The following INPP5A variants were observed in gnomAD, a reference collection of about 807,000 sequenced individuals.
INPP5A encodes inositol polyphosphate-5-phosphatase A.
In INPP5A, 14 loss-of-function variants were observed where a neutral mutation model predicts 65.2. That is an observed-to-expected ratio of 0.21 (90% CI 0.14 to 0.34). The LOEUF is 0.34. INPP5A is among the 10% of genes least tolerant of loss of function. INPP5A has a pLI of 1.00. For synonymous variants in INPP5A, 207 were observed against 208.3 expected (o/e 0.99, Z 0.05); for missense variants, 431 against 545.6 (o/e 0.79, Z 2.09).
intron 2 of INPP5A, among the ~76,000 whole-genome samples, chr10:132,623,179 A>G (rs184482182): frequency 1.3e-3 from 199 of 152,372 alleles, no homozygotes; most frequent in Middle Eastern, 3.4e-3. Flanking sequence ...AAGAACTAGA[A>G]TAGCCAGAAC....
intron 4 of INPP5A, among the ~76,000 whole-genome samples, chr10:132,654,454 C>T (rs1312026489): frequency 6.6e-6 from 1 of 152,216 alleles, no homozygotes; most frequent in East Asian, 1.9e-4. Context: ...GACCTCGGAA[C>T]GCTGCCCCCT....
Position 132,547,486 on chromosome 10 carries a change from C to T in INPP5A, c.75+9315C>T, listed in dbSNP as rs895852022. Among the ~76,000 whole-genome samples, 3 of 152,144 alleles carry T rather than the reference C, an allele frequency of 2.0e-5. No individual in the cohort carries two copies. The highest frequency in any genetic ancestry group is 2.9e-5 in the Non-Finnish European group (2 of 68,016). On this transcript the variant is annotated intron_variant, in intron 1 of 15. Transcript: ENST00000368594. The surrounding 1 kb of genome is among the most constrained non-coding windows in gnomAD (Gnocchi z 5.5). ...GTTCTGTGAGCCCGGGCCCAGCTGC[C>T]GTGGTGAATATAACCGGGAGGGAGT... is the stretch of plus-strand genomic sequence containing the variant.
chr10:132,677,096 A>AC (rs906320711), intron 4 of INPP5A, among the ~76,000 whole-genome samples: 3 of 149,760 alleles, frequency 2.0e-5, no homozygotes, highest in African/African-American at 7.4e-5. Flanking sequence ...TCACATGGTG[A>AC]CCCCCACCAT....
intron 9 of INPP5A, among the ~76,000 whole-genome samples, chr10:132,737,264 T>A (rs746316655): frequency 1.3e-5 from 2 of 152,130 alleles, no homozygotes; most frequent in Non-Finnish European, 2.9e-5. Flanking sequence ...GGACGGTCCC[T>A]TCTAACTCCC....
intron 3 of INPP5A, 63 bp downstream of exon 3, chr10:132,646,031 G>A (rs1019032058): frequency 3.8e-6 from 4 of 1,062,846 alleles, no homozygotes; most frequent in Non-Finnish European, 5.8e-6. Context: ...GCCGGCGGGG[G>A]TCTTTTCATG....
intron 6 of INPP5A, among the ~76,000 whole-genome samples, chr10:132,701,108 C>T (rs1301589262): frequency 1.3e-5 from 2 of 152,190 alleles, no homozygotes; most frequent in East Asian, 1.9e-4. Context: ...ATAACCTCCC[C>T]GCAGCCTCTC....
chr10:132,589,126 C>T (rs576344662), intron 1 of INPP5A, among the ~76,000 whole-genome samples: 15 of 152,256 alleles, frequency 9.9e-5, no homozygotes, highest in African/African-American at 2.2e-4. Flanking sequence ...CCAGGCCTCC[C>T]GGCTTTTGTG....
intron 2 of INPP5A, among the ~76,000 whole-genome samples, chr10:132,630,246 A>G (rs898464208): frequency 3.3e-5 from 5 of 151,224 alleles, no homozygotes; most frequent in Non-Finnish European, 5.9e-5. Flanking sequence ...GAAGACGTCC[A>G]TGAGGGGAAG....
chr10:132,569,232 T>G (rs144549913), intron 1 of INPP5A, among the ~76,000 whole-genome samples: 1 of 152,370 alleles, frequency 6.6e-6, no homozygotes, highest in East Asian at 1.9e-4. Context: ...GTTTTTCTTT[T>G]GGATTGTCAA....
intron 12 of INPP5A, among the ~76,000 whole-genome samples, chr10:132,773,784 G>A (rs2134687356): frequency 6.6e-6 from 1 of 152,324 alleles, no homozygotes; most frequent in African/African-American, 2.4e-5. Flanking sequence ...GAGCACCCAG[G>A]ACAGCCTCCT....
Position 132,547,441 on chromosome 10 carries a change from G to A in INPP5A, c.75+9270G>A, listed in dbSNP as rs953213021. 6.6e-6 allele frequency among the ~76,000 whole-genome samples: 1 copy of A among 152,120 alleles called. No individual in the cohort carries two copies. The highest frequency in any genetic ancestry group is 1.5e-5 in the Non-Finnish European group (1 of 68,000). On this transcript the variant is annotated intron_variant, in intron 1 of 15. Coordinates refer to ENST00000368594, the MANE Select transcript of INPP5A (RefSeq NM_005539.5). This position sits in a 1 kb window ranked among gnomAD's most constrained non-coding sequence, Gnocchi z 5.5. The stretch of plus-strand genomic sequence containing the variant: ...GTGGCCCAGGCTGAGCAGTGCACTC[G>A]GCTGCCTAGGTGGTGTGAGGTTCTG...
chr10:132,544,827 T>G (rs890990467), intron 1 of INPP5A, among the ~76,000 whole-genome samples: 11 of 152,094 alleles, frequency 7.2e-5, no homozygotes, highest in Non-Finnish European at 1.5e-4. Context: ...CGGCCGGCGG[T>G]GTTCTCTCTG....
intron 1 of INPP5A, among the ~76,000 whole-genome samples, chr10:132,586,862 C>T (rs997638025): frequency 2.6e-5 from 4 of 151,904 alleles, no homozygotes; most frequent in East Asian, 1.9e-4. Flanking sequence ...CTCTCCTGCG[C>T]GTCAGAAGGC....
chr10:132,553,342 T>C (rs1223045691), intron 1 of INPP5A, among the ~76,000 whole-genome samples: 1 of 143,468 alleles, frequency 7.0e-6, no homozygotes, highest in Non-Finnish European at 1.5e-5. Context: ...CTCAGAGCCT[T>C]GGTGGCATAT....
chr10:132,717,069 G>T (rs578024936), intron 8 of INPP5A, among the ~76,000 whole-genome samples: 22 of 152,362 alleles, frequency 1.4e-4, no homozygotes, highest in South Asian at 4.1e-4. Context: ...ACTCTGTGGC[G>T]GGGCTTTGCA....
In INPP5A at chr10:132,730,975, G is replaced by T. The variant is rs139272666; in HGVS notation, c.732+4070G>T. ...CCAGGTGACTTTCAACCAGTGCAGG[G>T]GCTACCACGGGGGAGGAACATTCCC... On this transcript the variant is annotated intron_variant, in intron 9 of 15. Transcript: ENST00000368594. Among the ~76,000 whole-genome samples the T allele has an allele frequency of 7.5e-3, 1,141 of 152,320 alleles. 14 individuals carry two copies. Among genetic ancestry groups the T allele is most frequent in the African/African-American group, 0.025 (1,050 of 41,564 alleles).
At chr10:132,582,186 T>C (rs1412705688) in intron 1 of INPP5A, among the ~76,000 whole-genome samples, 2 of 152,130 alleles carry the variant, frequency 1.3e-5, no homozygotes, top group Non-Finnish European at 2.9e-5. Context: ...TTAGTTATGA[T>C]TCTTCTATGG....
chr10:132,692,563 C>A (rs895044041), intron 5 of INPP5A, among the ~76,000 whole-genome samples: 3 of 152,112 alleles, frequency 2.0e-5, no homozygotes, highest in African/African-American at 7.2e-5. Context: ...TCCTTATAGG[C>A]GAGGTGATTC....
chr10:132,586,371 A>G (rs1388478418), intron 1 of INPP5A, among the ~76,000 whole-genome samples: 1 of 152,194 alleles, frequency 6.6e-6, no homozygotes, highest in Non-Finnish European at 1.5e-5. Flanking sequence ...TCTCTGGACC[A>G]TGGGCGGGGC....
Sources: gnomAD v4.1 joint callset for allele counts (sites outside exome capture counted in the v4.1 genomes callset) on GRCh38, gnomAD v4.1.1 for gene constraint, Gnocchi (gnomAD v3.1) non-coding constraint, MANE v1.5 for transcripts, NCBI Gene and HGNC (gene_info 2026-07-23, HGNC 2026-07-21) for gene names.